The following RUNX2 variants were observed in gnomAD, a reference collection of about 807,000 sequenced individuals.
RUNX2 encodes runt-related transcription factor 2.
RUNX2 carries 10 observed loss-of-function variants against 51.7 expected under a neutral mutation model. That is an observed-to-expected ratio of 0.19 (90% CI 0.12 to 0.33). The LOEUF (loss-of-function observed/expected upper bound fraction) is 0.33, where lower values mean the gene tolerates loss of function less well. Among genes scored for constraint, RUNX2 ranks in the 10% least tolerant of loss-of-function variants. The pLI, the probability that RUNX2 is intolerant of heterozygous loss-of-function variation, is 1.00. For synonymous variants in RUNX2, 276 were observed against 273.6 expected (o/e 1.01, Z -0.09); for missense variants, 562 against 691.3 (o/e 0.81, Z 2.10).
At chr6:45,417,875 C>G (rs943425909) in intron 2 of RUNX2, among the ~76,000 whole-genome samples, 4 of 152,184 alleles carry the variant, frequency 2.6e-5, no homozygotes, top group Non-Finnish European at 5.9e-5. Context: ...CAAAAAACAT[C>G]TTTGAGAATT....
intron 2 of RUNX2, among the ~76,000 whole-genome samples, chr6:45,401,856 T>C (rs1399382636): frequency 6.6e-6 from 1 of 152,242 alleles, no homozygotes; most frequent in Non-Finnish European, 1.5e-5. Context: ...GAACTGATAC[T>C]TTCTGTGGTG....
chr6:45,506,064 A>G (rs1800958319), intron 6 of RUNX2, among the ~76,000 whole-genome samples: 3 of 152,184 alleles, frequency 2.0e-5, no homozygotes, highest in Admixed American at 2.0e-4. Context: ...GGAGGAAACC[A>G]TGATTGCTTC....
At chr6:45,532,831 C>T (rs757889720) in intron 7 of RUNX2, among the ~76,000 whole-genome samples, 3 of 151,830 alleles carry the variant, frequency 2.0e-5, no homozygotes, top group Non-Finnish European at 4.4e-5. Context: ...AGAGAACTTC[C>T]ACTGTTTGAG....
In RUNX2 at chr6:45,365,139, T is replaced by C. The variant is rs946360283; in HGVS notation, c.58+36355T>C. The C allele has an allele frequency of 6.0e-6, 6 of 1,007,592 alleles. No individual in the cohort carries two copies. In the East Asian group the frequency reaches 7.4e-5, roughly 12 times the overall value. 62.4% of individuals were successfully genotyped at this position (1,007,592 alleles called of 1,614,324 possible). A position where few individuals can be genotyped will look rare whatever the true frequency, so the allele number is the denominator to read the frequency against. Reference sequence around the variant, plus strand: ...AGTTTTATAAATGTTGTTATGTCTATTGTCTTTCAACATGAATAAATTTAA... The same window carrying C: ...AGTTTTATAAATGTTGTTATGTCTACTGTCTTTCAACATGAATAAATTTAA... On this transcript the variant is annotated intron_variant, in intron 2 of 8. Coordinates refer to ENST00000647337, the MANE Select transcript of RUNX2 (RefSeq NM_001024630.4).
chr6:45,471,707 G>T (rs551574833), intron 5 of RUNX2, among the ~76,000 whole-genome samples: 1 of 152,200 alleles, frequency 6.6e-6, no homozygotes, highest in Non-Finnish European at 1.5e-5. Flanking sequence ...AAAGTGCTGG[G>T]ATTACAGGCG....
intron 2 of RUNX2, among the ~76,000 whole-genome samples, chr6:45,350,743 GCT>G (rs1227125106): frequency 6.6e-6 from 1 of 152,130 alleles, no homozygotes; most frequent in Admixed American, 6.5e-5. Flanking sequence ...TTAAGGATAA[GCT>G]CTTTTTGTCA....
At chr6:45,383,011 T>C (rs1453748973) in intron 2 of RUNX2, among the ~76,000 whole-genome samples, 1 of 152,174 alleles carries the variant, frequency 6.6e-6, no homozygotes, top group Admixed American at 6.5e-5. Flanking sequence ...TTGCCTACAT[T>C]AGCTGAGATG....
At chr6:45,435,954 C>G (rs1447300121) in intron 4 of RUNX2, among the ~76,000 whole-genome samples, 1 of 152,168 alleles carries the variant, frequency 6.6e-6, no homozygotes, top group Non-Finnish European at 1.5e-5. Flanking sequence ...ATTCAAGTTT[C>G]TGGTTTCTAA....
At position 45,399,349 on chromosome 6, in the gene RUNX2, C is replaced by CTTTTTTTTT. The variant is rs398048486; in HGVS notation, c.59-23224_59-23216dup. 2.9e-3 allele frequency among the ~76,000 whole-genome samples: 169 copies of CTTTTTTTTT among 57,382 alleles called. 17 individuals carry two copies. The highest frequency in any genetic ancestry group is 4.8e-3 in the Non-Finnish European group (139 of 29,044). 37.6% of individuals were successfully genotyped at this position (57,382 alleles called of 152,430 possible). ...CTTTCTCATTTCTTTCTTTTCTTTCCTTTTTTTTTTTTTTTTTTTTTTTTT... is the reference window on the plus strand; with the variant it reads ...CTTTCTCATTTCTTTCTTTTCTTTCCTTTTTTTTTTTTTTTTTTTTTTTTTTTTTTTTTT... On this transcript the variant is annotated intron_variant, in intron 2 of 8. Transcript: ENST00000647337.
chr6:45,470,669 A>G (rs1799772937), intron 5 of RUNX2, among the ~76,000 whole-genome samples: 1 of 152,170 alleles, frequency 6.6e-6, no homozygotes. Context: ...TACCGGAAAT[A>G]CTTCTCCTGG....
chr6:45,526,239 G>A (rs1459036940), intron 7 of RUNX2, among the ~76,000 whole-genome samples: 2 of 152,172 alleles, frequency 1.3e-5, no homozygotes, highest in South Asian at 4.1e-4. Context: ...CCTTATATAT[G>A]TGCATGTGTG....
chr6:45,374,543 TATA>T (rs1434959330), intron 2 of RUNX2, among the ~76,000 whole-genome samples: 3 of 152,194 alleles, frequency 2.0e-5, no homozygotes, highest in African/African-American at 7.2e-5. Flanking sequence ...ATAAACTTAA[TATA>T]ATAATGCATA....
At chr6:45,546,360 G>A (rs1021592484) in intron 8 of RUNX2, among the ~76,000 whole-genome samples, 2 of 152,176 alleles carry the variant, frequency 1.3e-5, no homozygotes, top group Admixed American at 6.5e-5. Flanking sequence ...TGATGAAAGA[G>A]CCTACCAAGA....
intron 2 of RUNX2, among the ~76,000 whole-genome samples, chr6:45,380,267 A>G (rs967487252): frequency 8.5e-5 from 13 of 152,260 alleles, no homozygotes; most frequent in African/African-American, 2.9e-4. Flanking sequence ...TCAGAAAAAC[A>G]AGTGATTTTC....
At chr6:45,489,722 G>A (rs1800400415) in intron 5 of RUNX2, among the ~76,000 whole-genome samples, 1 of 152,176 alleles carries the variant, frequency 6.6e-6, no homozygotes, top group Non-Finnish European at 1.5e-5. Context: ...GTGTGAGTGT[G>A]AGGAACAGAC....
At chr6:45,471,402 C>G (rs559588144) in intron 5 of RUNX2, among the ~76,000 whole-genome samples, 14 of 151,170 alleles carry the variant, frequency 9.3e-5, no homozygotes, top group African/African-American at 3.4e-4. Context: ...GCATGTAGAA[C>G]TCAAGTGGTA....
intron 2 of RUNX2, among the ~76,000 whole-genome samples, chr6:45,410,720 C>T (rs546752674): frequency 6.6e-6 from 1 of 152,268 alleles, no homozygotes; most frequent in Non-Finnish European, 1.5e-5. Context: ...TACAGTTGTA[C>T]TGTTAACCAA....
chr6:45,497,125 G>A (rs1660619432), intron 6 of RUNX2, among the ~76,000 whole-genome samples: 1 of 152,186 alleles, frequency 6.6e-6, no homozygotes. Context: ...ACAGTAGCTT[G>A]TAAAACTGCC....
chr6:45,356,626 C>A lies in RUNX2; in HGVS notation c.58+27842C>A, dbSNP rs181385419. 3.3e-5 allele frequency among the ~76,000 whole-genome samples: 5 copies of A among 151,920 alleles called. No individual in the cohort carries two copies. In the East Asian group the frequency reaches 7.8e-4, roughly 24 times the overall value. ...ATGGTGGCCAGGCTGGTCTCGAACT[C>A]CTGACTGACCTCAAGTGATCTGCCC... is the stretch of plus-strand genomic sequence containing the variant. On this transcript the variant is annotated intron_variant, in intron 2 of 8. Coordinates refer to ENST00000647337, the MANE Select transcript of RUNX2 (RefSeq NM_001024630.4).
Sources: allele counts gnomAD v4.1 joint callset (sites outside exome capture counted in the v4.1 genomes callset), GRCh38; gene constraint gnomAD v4.1.1; transcripts MANE v1.5; gene names NCBI Gene and HGNC (gene_info 2026-07-23, HGNC 2026-07-21).